Variants in PTK2 observed in about 807,000 individuals in gnomAD.
PTK2 encodes the protein protein tyrosine kinase 2.
A neutral mutation model predicts 150.1 loss-of-function variants in PTK2; 45 were observed. The ratio of observed to expected loss-of-function variants is 0.30; its 90% CI spans 0.24 to 0.38. The LOEUF is 0.38. PTK2 is among the 10% of genes least tolerant of loss of function. The probability of loss-of-function intolerance (pLI) is 1.00; values close to 1 mark genes in which losing one functional copy is unlikely to be tolerated. For synonymous variants in PTK2, 432 were observed against 449.2 expected (o/e 0.96, Z 0.48); for missense variants, 919 against 1,307.3 (o/e 0.70, Z 4.58).
At chr8:140,905,290 C>T (rs1443417826) in intron 2 of PTK2, among the ~76,000 whole-genome samples, 1 of 151,814 alleles carries the variant, frequency 6.6e-6, no homozygotes, top group Non-Finnish European at 1.5e-5. Context: ...ATGTCATGTG[C>T]AAAGACACAC....
chr8:140,704,152 T>C (rs940876650), intron 24 of PTK2, among the ~76,000 whole-genome samples: 1 of 152,210 alleles, frequency 6.6e-6, no homozygotes, highest in African/African-American at 2.4e-5. Flanking sequence ...AGAAAACATT[T>C]AGGAATTTTC....
intron 12 of PTK2, among the ~76,000 whole-genome samples, chr8:140,796,300 G>A (rs1026558921): frequency 1.3e-5 from 2 of 152,134 alleles, no homozygotes; most frequent in African/African-American, 2.4e-5. Flanking sequence ...ATCACTTGTT[G>A]ACATTTTGAA....
rs142584214 is a variant in PTK2 at position 140,862,942 on chromosome 8, T to C, written c.450+1370A>G. Among the ~76,000 whole-genome samples, 682 of 152,100 alleles carry C rather than the reference T, an allele frequency of 4.5e-3. 3 individuals carry two copies. Among genetic ancestry groups the C allele is most frequent in the African/African-American group, 0.016 (645 of 41,484 alleles). On this transcript the variant is annotated intron_variant, in intron 5 of 31. Coordinates refer to ENST00000522684, the Ensembl canonical transcript of PTK2. ...AGGTAAAGCAGCAGGCCCCAACCTA[T>C]CTCCTATGTGACTACTTCTTCACAG...
rs1031481706 is a variant in PTK2 at position 140,719,108 on chromosome 8, G to A, written c.2031-1399C>T. On this transcript the variant is annotated intron_variant, in intron 22 of 31. Coordinates refer to ENST00000522684, the Ensembl canonical transcript of PTK2. Reference sequence around the variant, plus strand: ...GGAGAATCCCTTGAACCCAGGAGGCGGAGGTTGGGGTGAGCTGAGATCACG... The same window carrying A: ...GGAGAATCCCTTGAACCCAGGAGGCAGAGGTTGGGGTGAGCTGAGATCACG... Among the ~76,000 whole-genome samples, 28 of 152,154 alleles carry A rather than the reference G, an allele frequency of 1.8e-4. No homozygotes were observed. The East Asian group carries it at 2.3e-3, about 13-fold the overall frequency.
intron 14 of PTK2, among the ~76,000 whole-genome samples, chr8:140,765,848 T>C (rs559436732): frequency 3.9e-5 from 6 of 152,192 alleles, no homozygotes; most frequent in Non-Finnish European, 7.4e-5. Context: ...AGGGGAGGAA[T>C]CTACTCTAAC....
intron 1 of PTK2, among the ~76,000 whole-genome samples, chr8:140,956,729 A>G (rs2100181340): frequency 6.6e-6 from 1 of 152,156 alleles, no homozygotes; most frequent in Admixed American, 6.5e-5. Flanking sequence ...GGTCTACCCT[A>G]ATGTGTGTAT....
At chr8:140,894,644 C>T (rs572286637) in intron 2 of PTK2, among the ~76,000 whole-genome samples, 2 of 152,120 alleles carry the variant, frequency 1.3e-5, no homozygotes, top group Non-Finnish European at 2.9e-5. Flanking sequence ...ATCACGGCCA[C>T]AGTATACCTT....
chr8:140,701,953 T>A (rs2100030705), intron 25 of PTK2, among the ~76,000 whole-genome samples: 1 of 151,320 alleles, frequency 6.6e-6, no homozygotes, highest in Non-Finnish European at 1.5e-5. Flanking sequence ...ATGGTGAAAC[T>A]CTGTCTCTAC....
At chr8:140,694,505 G>GC (rs2100025294) in intron 26 of PTK2, among the ~76,000 whole-genome samples, 1 of 152,076 alleles carries the variant, frequency 6.6e-6, no homozygotes, top group African/African-American at 2.4e-5. Flanking sequence ...ATACAAACTG[G>GC]CCCTTCCATG....
intron 8 of PTK2, among the ~76,000 whole-genome samples, chr8:140,829,185 G>A (rs953568485): frequency 6.6e-6 from 1 of 152,178 alleles, no homozygotes; most frequent in Non-Finnish European, 1.5e-5. Flanking sequence ...TTAAATGCAC[G>A]TCTTATTGCA....
intron 1 of PTK2, among the ~76,000 whole-genome samples, chr8:140,982,164 T>C (rs942342629): frequency 3.9e-5 from 6 of 152,108 alleles, no homozygotes; most frequent in African/African-American, 1.4e-4. Context: ...ACAGTTTATT[T>C]TGATTCAAGT....
At chr8:140,809,184 A>G in intron 10 of PTK2, among the ~76,000 whole-genome samples, 1 of 152,224 alleles carries the variant, frequency 6.6e-6, no homozygotes, top group East Asian at 1.9e-4. Flanking sequence ...AAAAGGGAAG[A>G]GCACAATAAA....
Position 140,751,015 on chromosome 8 carries a change from C to T in PTK2, c.1417+1217G>A, listed in dbSNP as rs115102568. The stretch of plus-strand genomic sequence containing the variant: ...CTGTAGTACCAGGTATTTGCAGCCC[C>T]GAGATGGGAGGATCCCTTGAGTCCA... On this transcript the variant is annotated intron_variant, in intron 17 of 31. Transcript: ENST00000522684. Among the ~76,000 whole-genome samples, 330 of 152,018 alleles carry T rather than the reference C, an allele frequency of 2.2e-3. 2 individuals carry two copies. The highest frequency in any genetic ancestry group is 7.3e-3 in the African/African-American group (304 of 41,458).
intron 5 of PTK2, among the ~76,000 whole-genome samples, chr8:140,852,794 C>T (rs1487817879): frequency 6.6e-6 from 1 of 152,172 alleles, no homozygotes; most frequent in African/African-American, 2.4e-5. Context: ...AAAGAAAAGG[C>T]AAGTTATACA....
chr8:140,857,346 G>A (rs1458826573), intron 5 of PTK2, among the ~76,000 whole-genome samples: 1 of 152,086 alleles, frequency 6.6e-6, no homozygotes, highest in African/African-American at 2.4e-5. Flanking sequence ...CTCTCACCCT[G>A]CCCTCCAGTC....
intron 2 of PTK2, among the ~76,000 whole-genome samples, chr8:140,904,182 C>T (rs962777112): frequency 2.0e-5 from 3 of 152,108 alleles, no homozygotes; most frequent in East Asian, 1.9e-4. Flanking sequence ...TCCATCAATA[C>T]GTACTTTATT....
chr8:140,978,413 G>GA (rs1443279118), intron 1 of PTK2, among the ~76,000 whole-genome samples: 1 of 152,040 alleles, frequency 6.6e-6, no homozygotes, highest in Non-Finnish European at 1.5e-5. Flanking sequence ...AAATTTACAA[G>GA]AAAAAAATCA....
Position 140,664,906 on chromosome 8 carries a change from T to C in PTK2, c.2946+11A>G. 2 of 1,612,044 alleles carry C rather than the reference T, an allele frequency of 1.2e-6. No individual in the cohort carries two copies. Among genetic ancestry groups the C allele is most frequent in the Middle Eastern group, 1.6e-4 (1 of 6,062 alleles). On this transcript the variant is annotated intron_variant, in intron 31 of 31. Transcript: ENST00000522684. ...GTCACAGAGGGCTGCAAGGGGAAGATTGTGCCCTACCTCTCGGTGGGTGCT... is the reference window on the plus strand; with the variant it reads ...GTCACAGAGGGCTGCAAGGGGAAGACTGTGCCCTACCTCTCGGTGGGTGCT...
chr8:140,957,055 C>T (rs964536904), intron 1 of PTK2, among the ~76,000 whole-genome samples: 2 of 151,744 alleles, frequency 1.3e-5, no homozygotes, highest in African/African-American at 4.8e-5. Context: ...GAGCAAAACT[C>T]CATCACAAAA....
Sources: gnomAD v4.1 joint callset for allele counts (sites outside exome capture counted in the v4.1 genomes callset) on GRCh38, gnomAD v4.1.1 for gene constraint, MANE v1.5 for transcripts, NCBI Gene and HGNC (gene_info 2026-07-23, HGNC 2026-07-21) for gene names.